The following HACD2 variants were observed in gnomAD, a reference collection of about 807,000 sequenced individuals.
HACD2 encodes the protein 3-hydroxyacyl-CoA dehydratase 2.
A neutral mutation model predicts 31.0 loss-of-function variants in HACD2; 15 were observed. That is an observed-to-expected ratio of 0.48 (90% CI 0.32 to 0.75). The LOEUF (loss-of-function observed/expected upper bound fraction) is 0.75, where lower values mean the gene tolerates loss of function less well. Ranked by LOEUF, HACD2 falls within the 30% of genes least tolerant of loss-of-function variation. The pLI is 0.03. For missense variants in HACD2, 283 were observed against 313.0 expected (o/e 0.90, Z 0.72); for synonymous variants, 115 against 122.2 (o/e 0.94, Z 0.39).
chr3:123,579,708 C>T (rs1244807680), intron 2 of HACD2, among the ~76,000 whole-genome samples: 1 of 152,166 alleles, frequency 6.6e-6, no homozygotes, highest in Non-Finnish European at 1.5e-5. Flanking sequence ...TACTGGAAGT[C>T]TGATGGTCTT....
At chr3:123,583,996 G>A (rs992691715) in intron 1 of HACD2, among the ~76,000 whole-genome samples, 5 of 152,168 alleles carry the variant, frequency 3.3e-5, no homozygotes, top group African/African-American at 1.2e-4. Context: ...AATTACAAAT[G>A]AAGATAACTT....
intron 2 of HACD2, among the ~76,000 whole-genome samples, chr3:123,572,746 TAAC>T (rs2056869032): frequency 6.6e-6 from 1 of 152,094 alleles, no homozygotes; most frequent in Non-Finnish European, 1.5e-5. Context: ...GGTAAAACAA[TAAC>T]AACAAAGCCC....
intron 3 of HACD2, among the ~76,000 whole-genome samples, chr3:123,534,357 T>C (rs759682835): frequency 2.6e-5 from 4 of 152,024 alleles, no homozygotes; most frequent in Non-Finnish European, 5.9e-5. Flanking sequence ...TCCTGTTACC[T>C]AGTAATGTCC....
chr3:123,574,560 A>C (rs1164926671), intron 2 of HACD2, among the ~76,000 whole-genome samples: 1 of 152,180 alleles, frequency 6.6e-6, no homozygotes. Flanking sequence ...TTTCTCTTTA[A>C]ATCGAAAAAT....
At chr3:123,540,776 A>G (rs2056480728) in intron 3 of HACD2, among the ~76,000 whole-genome samples, 1 of 152,180 alleles carries the variant, frequency 6.6e-6, no homozygotes. Context: ...TAATTAGTAA[A>G]ACTGTCAGGG....
chr3:123,547,940 C>G (rs2056579055), intron 3 of HACD2, among the ~76,000 whole-genome samples: 1 of 152,080 alleles, frequency 6.6e-6, no homozygotes, highest in Non-Finnish European at 1.5e-5. Flanking sequence ...GAGAAGGCAA[C>G]TCACACTTAC....
intron 3 of HACD2, among the ~76,000 whole-genome samples, chr3:123,549,647 C>T (rs1169244340): frequency 6.6e-6 from 1 of 152,090 alleles, no homozygotes; most frequent in Non-Finnish European, 1.5e-5. Context: ...ACTTGGGAGG[C>T]TGAGGTGGAA....
Position 123,493,448 on chromosome 3 carries a change from A to C in HACD2, c.*1440T>G, listed in dbSNP as rs543523318. ...AACTACTCAATAAGCTAAACTTTTA[A>C]ACTCTTAAAGTTCAACATCAACCCC... On this transcript the variant is annotated 3_prime_UTR_variant, in exon 7 of 7. Coordinates refer to ENST00000383657, the MANE Select transcript of HACD2 (RefSeq NM_198402.5). 6.6e-6 allele frequency: 1 copy of C among 152,366 alleles called. No homozygotes were observed. The highest frequency in any genetic ancestry group is 2.1e-4 in the South Asian group (1 of 4,832). The allele number at this position is 152,366 out of a possible 1,614,324, so 9.4% of individuals were successfully genotyped here.
At chr3:123,581,856 T>G (rs1195808945) in intron 2 of HACD2, among the ~76,000 whole-genome samples, 1 of 152,208 alleles carries the variant, frequency 6.6e-6, no homozygotes, top group Non-Finnish European at 1.5e-5. Context: ...TCACTTCCAA[T>G]ATCCTACACC....
intron 1 of HACD2, 32 bp from the exon 2 acceptor site, chr3:123,582,361 A>C (rs2056974988): frequency 7.0e-7 from 1 of 1,435,208 alleles, no homozygotes; most frequent in East Asian, 2.4e-5. Context: ...ATCAGGAAAA[A>C]ATAAAAATAA....
intron 4 of HACD2, among the ~76,000 whole-genome samples, chr3:123,504,682 G>C (rs1284939809): frequency 1.3e-5 from 2 of 152,196 alleles, no homozygotes; most frequent in Non-Finnish European, 2.9e-5. Context: ...AAGTATGAAA[G>C]CAGTCTGTTC....
Position 123,558,765 on chromosome 3 carries a change from T to C in HACD2, c.292+8997A>G, listed in dbSNP as rs370993676. On this transcript the variant is annotated intron_variant, in intron 3 of 6. Transcript: ENST00000383657. ...ACAGAAGCATAAATCAAATTATTCT[T>C]TGGCTAAAAGATGACTCAAGTTTTC... is the stretch of plus-strand genomic sequence containing the variant. Among the ~76,000 whole-genome samples the C allele has an allele frequency of 2.5e-4, 38 of 152,300 alleles. 1 individual carries two copies. Among genetic ancestry groups the C allele is most frequent in the Non-Finnish European group, 4.7e-4 (32 of 68,018 alleles).
chr3:123,516,233 ATT>A (rs138783399), intron 4 of HACD2, among the ~76,000 whole-genome samples: 93,229 of 125,528 alleles, frequency 0.74, 35,300 homozygotes, highest in Non-Finnish European at 0.85. Flanking sequence ...TGTGCAACAT[ATT>A]TTTTTTTTTT....
intron 2 of HACD2, among the ~76,000 whole-genome samples, chr3:123,572,899 AG>A (rs2056870191): frequency 6.6e-6 from 1 of 152,014 alleles, no homozygotes; most frequent in African/African-American, 2.4e-5. Context: ...AATTCTTGGG[AG>A]GAAAAAAAAA....
At chr3:123,573,029 A>T (rs564314591) in intron 2 of HACD2, among the ~76,000 whole-genome samples, 26 of 152,280 alleles carry the variant, frequency 1.7e-4, no homozygotes, top group Non-Finnish European at 2.9e-4. Context: ...GAACCAGACA[A>T]ATTCCAGAGA....
chr3:123,512,233 TGCTAAGCA>T lies in HACD2; in HGVS notation c.382-9560_382-9553del, dbSNP rs368377455. 4.2e-3 allele frequency among the ~76,000 whole-genome samples: 638 copies of T among 152,202 alleles called. 3 individuals carry two copies. Among genetic ancestry groups the T allele is most frequent in the African/African-American group, 0.015 (606 of 41,498 alleles). On this transcript the variant is annotated intron_variant, in intron 4 of 6. Transcript: ENST00000383657. Reference sequence around the variant, plus strand: ...AAAGCTTGTTTCTCTTTTCTATCTCTGCTAAGCAGAAATTGAAATACAAAATATGATTT... The same window carrying T: ...AAAGCTTGTTTCTCTTTTCTATCTCTGAAATTGAAATACAAAATATGATTT...
At position 123,493,005 on chromosome 3, in the gene HACD2, A is replaced by C. The variant is rs1017552195; in HGVS notation, c.*1883T>G. On this transcript the variant is annotated 3_prime_UTR_variant, in exon 7 of 7. Coordinates refer to ENST00000383657, the MANE Select transcript of HACD2 (RefSeq NM_198402.5). Reference sequence around the variant, plus strand: ...ATGTTCAATTCAAAAATAATTTATTACACACCTGCCTGCATTAAATTTTCA... The same window carrying C: ...ATGTTCAATTCAAAAATAATTTATTCCACACCTGCCTGCATTAAATTTTCA... 3 of 152,264 alleles carry C rather than the reference A, an allele frequency of 2.0e-5. No homozygotes were observed. Among genetic ancestry groups the C allele is most frequent in the Non-Finnish European group, 4.4e-5 (3 of 68,050 alleles). 9.4% of individuals were successfully genotyped at this position (152,264 alleles called of 1,614,324 possible). A position where few individuals can be genotyped will look rare whatever the true frequency, so the allele number is the denominator to read the frequency against.
intron 2 of HACD2, among the ~76,000 whole-genome samples, chr3:123,572,569 C>G (rs550338245): frequency 8.5e-5 from 13 of 152,302 alleles, no homozygotes; most frequent in African/African-American, 2.6e-4. Flanking sequence ...CCTTCCATTT[C>G]CACTGGCAAT....
chr3:123,531,340 G>C (rs1473137377), intron 3 of HACD2, among the ~76,000 whole-genome samples: 2 of 149,066 alleles, frequency 1.3e-5, no homozygotes, highest in East Asian at 4.0e-4. Context: ...TTCTTTTTTT[G>C]AGACAGTCTT....
Sources: gnomAD v4.1 joint callset for allele counts (sites outside exome capture counted in the v4.1 genomes callset) on GRCh38, gnomAD v4.1.1 for gene constraint, MANE v1.5 for transcripts, NCBI Gene and HGNC (gene_info 2026-07-23, HGNC 2026-07-21) for gene names.